Variants in FUT8 observed in about 807,000 individuals in gnomAD.
The protein encoded by FUT8 is fucosyltransferase 8, also known as alpha-(1,6)-fucosyltransferase.
FUT8 carries 29 observed loss-of-function variants against 71.3 expected under a neutral mutation model. The observed-to-expected ratio is 0.41, with a 90% CI of 0.30 to 0.55. The LOEUF (loss-of-function observed/expected upper bound fraction) is 0.55, where lower values mean the gene tolerates loss of function less well. Among genes scored for constraint, FUT8 ranks in the 20% least tolerant of loss-of-function variants. The pLI, the probability that FUT8 is intolerant of heterozygous loss-of-function variation, is 0.34. For synonymous variants in FUT8, 254 were observed against 239.3 expected, an observed-to-expected ratio of 1.06 and a Z score of -0.57; for missense variants, 544 against 702.1, an observed-to-expected ratio of 0.77 and a Z score of 2.55.
At chr14:65,587,202 AC>A (rs1198252986) in intron 3 of FUT8, among the ~76,000 whole-genome samples, 4 of 151,790 alleles carry the variant, frequency 2.6e-5, no homozygotes, top group African/African-American at 9.7e-5. Context: ...AAAAAAAAAA[AC>A]AAAAAAAACT....
At chr14:65,523,114 G>C (rs1429354588) in intron 2 of FUT8, among the ~76,000 whole-genome samples, 1 of 152,158 alleles carries the variant, frequency 6.6e-6, no homozygotes, top group Admixed American at 6.5e-5. Flanking sequence ...GGGTCAAATG[G>C]TATTTCTAGT....
chr14:65,504,937 C>T (rs1048006924), intron 2 of FUT8, among the ~76,000 whole-genome samples: 6 of 152,120 alleles, frequency 3.9e-5, no homozygotes, highest in East Asian at 1.9e-4. Flanking sequence ...AGTGAAACTC[C>T]GTCTCAGAAA....
At chr14:65,491,021 A>T (rs112000390) in intron 2 of FUT8, among the ~76,000 whole-genome samples, 1 of 152,152 alleles carries the variant, frequency 6.6e-6, no homozygotes, top group East Asian at 1.9e-4. Context: ...ACAATTTAAC[A>T]CTTTTAGTTA....
At chr14:65,422,117 T>C (rs1189790212) in intron 1 of FUT8, among the ~76,000 whole-genome samples, 1 of 152,092 alleles carries the variant, frequency 6.6e-6, no homozygotes, top group African/African-American at 2.4e-5. Context: ...GGGTTCCGGG[T>C]GGCCAGGGGT....
At chr14:65,375,572 G>A in the FUT8 span, among the ~76,000 whole-genome samples, 2 of 152,110 alleles carry the variant, frequency 1.3e-5, no homozygotes, top group East Asian at 1.9e-4. Context: ...AGTGAGCCAC[G>A]GTCGTGCCTC....
At chr14:65,482,158 T>C (rs1346971902) in intron 2 of FUT8, among the ~76,000 whole-genome samples, 1 of 152,178 alleles carries the variant, frequency 6.6e-6, no homozygotes, top group African/African-American at 2.4e-5. Context: ...TTTTTTTATA[T>C]GGGATAAAAA....
intron 2 of FUT8, among the ~76,000 whole-genome samples, chr14:65,491,942 T>C (rs1275558367): frequency 6.6e-6 from 1 of 152,168 alleles, no homozygotes; most frequent in Non-Finnish European, 1.5e-5. Context: ...TCATGTGTTG[T>C]GATGTAATAT....
In FUT8 at chr14:65,616,079, A is replaced by C. The variant is rs759756140; in HGVS notation, c.305A>C (p.Lys102Thr). ...AAAGAACAGATTGAAAATTACAAGA[A>C]ACAGACCAGAAATGGTAGGTGATTA... ...KAKEQIENYKKQTRNGLGKDH... is the reference protein window; with the variant it reads ...KAKEQIENYKTQTRNGLGKDH... Residue 102 changes from lysine to threonine, a missense_variant, in exon 4 of 11, where the codon AAA becomes ACA. Coordinates refer to ENST00000673929, the MANE Select transcript of FUT8 (RefSeq NM_001371533.1). The C allele has an allele frequency of 6.2e-7, 1 of 1,613,684 alleles. No homozygotes were observed. The highest frequency in any genetic ancestry group is 1.1e-5 in the South Asian group (1 of 91,052).
upstream of FUT8, among the ~76,000 whole-genome samples, chr14:65,407,408 A>G (rs2065092143): frequency 6.6e-6 from 1 of 152,118 alleles, no homozygotes; most frequent in South Asian, 2.1e-4. Context: ...TACAGATAAT[A>G]CTTTTTTTTC....
the FUT8 span, among the ~76,000 whole-genome samples, chr14:65,369,160 T>A: frequency 6.6e-6 from 1 of 152,178 alleles, no homozygotes; most frequent in East Asian, 1.9e-4. This position sits in a 1 kb window ranked among gnomAD's most constrained non-coding sequence, Gnocchi z 4.6. Context: ...ATGCGGCAAG[T>A]GGCTACCCTG....
At chr14:65,477,614 T>C (rs1453973511) in intron 2 of FUT8, among the ~76,000 whole-genome samples, 1 of 152,168 alleles carries the variant, frequency 6.6e-6, no homozygotes, top group African/African-American at 2.4e-5. Flanking sequence ...ACAGCTTTGC[T>C]AATTTTTTTT....
chr14:65,702,268 C>T (rs1456988273), intron 7 of FUT8, among the ~76,000 whole-genome samples: 1 of 151,520 alleles, frequency 6.6e-6, no homozygotes, highest in Non-Finnish European at 1.5e-5. Context: ...TCGCTTGAAC[C>T]CGGGAGGCGG....
Position 65,425,576 on chromosome 14 carries a change from G to A in FUT8, c.-326+12362G>A, listed in dbSNP as rs2065373079. 2.0e-5 allele frequency among the ~76,000 whole-genome samples: 3 copies of A among 149,972 alleles called. No individual in the cohort carries two copies. In the South Asian group the frequency reaches 6.4e-4, roughly 32 times the overall value. On this transcript the variant is annotated intron_variant, in intron 1 of 10. Coordinates refer to ENST00000673929, the MANE Select transcript of FUT8 (RefSeq NM_001371533.1). ...ATATATTTAAGGTGTACAACTTGAT[G>A]TTTTGGTATATGTGTAGATTGTGAA...
chr14:65,722,287 T>C lies in FUT8; in HGVS notation c.1082+266T>C, dbSNP rs1227372362. ...CTTCTTTCTCCTCTTATCACAGCTC[T>C]CTTTTGGCTTTTGTTGTTGTTATTT... On this transcript the variant is annotated intron_variant, in intron 8 of 10. Coordinates refer to ENST00000673929, the MANE Select transcript of FUT8 (RefSeq NM_001371533.1). Among the ~76,000 whole-genome samples the C allele has an allele frequency of 2.6e-5, 4 of 151,536 alleles. 1 individual carries two copies. Among genetic ancestry groups the C allele is most frequent in the African/African-American group, 9.8e-5 (4 of 40,900 alleles).
At chr14:65,421,009 A>G (rs1032181231) in intron 1 of FUT8, among the ~76,000 whole-genome samples, 2 of 152,116 alleles carry the variant, frequency 1.3e-5, no homozygotes, top group Non-Finnish European at 2.9e-5. Flanking sequence ...CCTGGCCAAC[A>G]TGGTGAAACT....
At chr14:65,524,387 T>C (rs1337404365) in intron 2 of FUT8, among the ~76,000 whole-genome samples, 3 of 152,242 alleles carry the variant, frequency 2.0e-5, no homozygotes, top group African/African-American at 7.2e-5. Context: ...CTGTTATTGG[T>C]GTGTAAGAAT....
chr14:65,575,062 C>T (rs1886678673), intron 3 of FUT8, among the ~76,000 whole-genome samples: 1 of 151,262 alleles, frequency 6.6e-6, no homozygotes, highest in Admixed American at 6.6e-5. Context: ...CCTCTTCATT[C>T]CTGTATTTTA....
At chr14:65,586,654 G>A (rs972653069) in intron 3 of FUT8, among the ~76,000 whole-genome samples, 11 of 152,088 alleles carry the variant, frequency 7.2e-5, no homozygotes, top group African/African-American at 2.7e-4. Flanking sequence ...AAAGACATTA[G>A]TCCAGTATAT....
At chr14:65,654,461 G>GT in intron 6 of FUT8, among the ~76,000 whole-genome samples, 1 of 152,200 alleles carries the variant, frequency 6.6e-6, no homozygotes. Flanking sequence ...GGTGGCATGT[G>GT]CCTGTAATCC....
Sources: allele counts gnomAD v4.1 joint callset (sites outside exome capture counted in the v4.1 genomes callset), GRCh38; gene constraint gnomAD v4.1.1; non-coding constraint Gnocchi (gnomAD v3.1); transcripts MANE v1.5; gene names NCBI Gene and HGNC (gene_info 2026-07-23, HGNC 2026-07-21).